Variants in SLC9A9 observed in about 807,000 individuals in gnomAD.
The protein encoded by SLC9A9 is sodium/hydrogen exchanger 9.
A neutral mutation model predicts 77.8 loss-of-function variants in SLC9A9; 62 were observed. The observed-to-expected ratio is 0.80, with a 90% CI of 0.65 to 0.98. The LOEUF (loss-of-function observed/expected upper bound fraction) is 0.98, where lower values mean the gene tolerates loss of function less well. Among genes scored for constraint, SLC9A9 ranks in the 50% least tolerant of loss-of-function variants. The pLI is 0.00. For synonymous variants in SLC9A9, 320 were observed against 283.5 expected, an observed-to-expected ratio of 1.13 and a Z score of -1.29; for missense variants, 775 against 774.9, an observed-to-expected ratio of 1.00 and a Z score of 0.00.
intron 9 of SLC9A9, among the ~76,000 whole-genome samples, chr3:143,546,021 A>G (rs920427129): frequency 2.2e-4 from 33 of 152,344 alleles, no homozygotes; most frequent in African/African-American, 7.5e-4. Flanking sequence ...CATTTTACAG[A>G]TGGAAAAAGT....
At chr3:143,445,680 T>C (rs928182136) in intron 12 of SLC9A9, among the ~76,000 whole-genome samples, 18 of 152,202 alleles carry the variant, frequency 1.2e-4, no homozygotes, top group Admixed American at 1.2e-3. Flanking sequence ...CACTGATCTT[T>C]ATGGTTGTAA....
intron 14 of SLC9A9, among the ~76,000 whole-genome samples, chr3:143,340,619 G>A (rs947950653): frequency 5.3e-5 from 8 of 152,274 alleles, no homozygotes; most frequent in Middle Eastern, 3.4e-3. Flanking sequence ...CTTTGGTACC[G>A]TCTTCAAGAT....
At chr3:143,642,929 C>G (rs892420981) in intron 6 of SLC9A9, among the ~76,000 whole-genome samples, 1 of 152,066 alleles carries the variant, frequency 6.6e-6, no homozygotes, top group Non-Finnish European at 1.5e-5. Context: ...CTGTTTACCT[C>G]TTTAGTCTCT....
intron 8 of SLC9A9, among the ~76,000 whole-genome samples, chr3:143,560,175 C>T (rs1016743828): frequency 2.6e-5 from 4 of 152,226 alleles, no homozygotes; most frequent in Non-Finnish European, 5.9e-5. Context: ...GATTCTCCTT[C>T]AGTAGGTTTG....
At chr3:143,711,961 C>T (rs1258540420) in intron 4 of SLC9A9, among the ~76,000 whole-genome samples, 1 of 152,182 alleles carries the variant, frequency 6.6e-6, no homozygotes, top group Non-Finnish European at 1.5e-5. Flanking sequence ...ACCTAGTTAT[C>T]TGCTCTATTC....
intron 14 of SLC9A9, among the ~76,000 whole-genome samples, chr3:143,303,003 C>T (rs1488127636): frequency 2.6e-5 from 4 of 152,238 alleles, no homozygotes; most frequent in Non-Finnish European, 5.9e-5. Flanking sequence ...CCTGCCCGCC[C>T]TCTCCACATC....
At chr3:143,331,585 G>A (rs975921804) in intron 14 of SLC9A9, among the ~76,000 whole-genome samples, 2 of 152,198 alleles carry the variant, frequency 1.3e-5, no homozygotes, top group African/African-American at 4.8e-5. Context: ...TGCCATATGG[G>A]TGGCAGCAGT....
At chr3:143,606,760 A>G (rs997062344) in intron 6 of SLC9A9, among the ~76,000 whole-genome samples, 1 of 151,966 alleles carries the variant, frequency 6.6e-6, no homozygotes, top group African/African-American at 2.4e-5. Flanking sequence ...TCCAGAACAC[A>G]GGTTAAAAAA....
intron 14 of SLC9A9, among the ~76,000 whole-genome samples, chr3:143,331,649 C>T (rs1288445985): frequency 1.3e-5 from 2 of 152,160 alleles, no homozygotes; most frequent in African/African-American, 4.8e-5. Context: ...TCCTACTATG[C>T]GTTGGTTACT....
At chr3:143,558,132 G>C (rs1218538534) in intron 8 of SLC9A9, among the ~76,000 whole-genome samples, 1 of 152,142 alleles carries the variant, frequency 6.6e-6, no homozygotes, top group Non-Finnish European at 1.5e-5. Flanking sequence ...ATGGTGTGGA[G>C]CCTGTGGGTA....
At chr3:143,688,506 A>G (rs1049495402) in intron 5 of SLC9A9, among the ~76,000 whole-genome samples, 1 of 152,116 alleles carries the variant, frequency 6.6e-6, no homozygotes, top group Non-Finnish European at 1.5e-5. Flanking sequence ...CAGAATATCT[A>G]CGTATGGCAG....
intron 6 of SLC9A9, among the ~76,000 whole-genome samples, chr3:143,600,580 T>A (rs753783559): frequency 6.6e-6 from 1 of 152,228 alleles, no homozygotes; most frequent in African/African-American, 2.4e-5. Context: ...ATCAATGATC[T>A]GCAGAGATTG....
At chr3:143,800,462 C>T (rs528687872) in intron 2 of SLC9A9, among the ~76,000 whole-genome samples, 22 of 152,326 alleles carry the variant, frequency 1.4e-4, no homozygotes, top group African/African-American at 4.6e-4. Context: ...TTATCCACCC[C>T]GTGGTGCCAA....
chr3:143,322,667 G>T (rs534687609), intron 14 of SLC9A9, among the ~76,000 whole-genome samples: 1 of 152,038 alleles, frequency 6.6e-6, no homozygotes, highest in African/African-American at 2.4e-5. Context: ...GTGGTTCTTG[G>T]CATTTTTTTG....
intron 4 of SLC9A9, among the ~76,000 whole-genome samples, chr3:143,766,765 G>T (rs1394089002): frequency 6.6e-6 from 1 of 152,022 alleles, no homozygotes; most frequent in African/African-American, 2.4e-5. Context: ...GTAGAGACGG[G>T]GTTTCCCTAT....
At chr3:143,765,053 C>T (rs1418198435) in intron 4 of SLC9A9, among the ~76,000 whole-genome samples, 11 of 144,106 alleles carry the variant, frequency 7.6e-5, no homozygotes, top group African/African-American at 2.6e-4. Context: ...CTTTTTCTTT[C>T]TTTCTTTCCC....
chr3:143,592,071 T>A (rs1337122119), intron 6 of SLC9A9, among the ~76,000 whole-genome samples: 1 of 152,240 alleles, frequency 6.6e-6, no homozygotes, highest in East Asian at 1.9e-4. Context: ...CTTCTCTATG[T>A]GGTCCATGAC....
rs150853284 is a variant in SLC9A9 at position 143,346,690 on chromosome 3, G to A, written c.1604+16794C>T. ...CACCTGTAATCCCAGCTACTCGGGA[G>A]GGTGAGGCACAAAAATCATTTGAAC... On this transcript the variant is annotated intron_variant, in intron 14 of 15. Coordinates refer to ENST00000316549, the MANE Select transcript of SLC9A9 (RefSeq NM_173653.4). Among the ~76,000 whole-genome samples the A allele has an allele frequency of 2.1e-3, 318 of 152,252 alleles. 6 individuals carry two copies. Among genetic ancestry groups the A allele is most frequent in the East Asian group, 0.014 (74 of 5,166 alleles).
chr3:143,735,841 T>C (rs1049602409), intron 4 of SLC9A9, among the ~76,000 whole-genome samples: 4 of 152,236 alleles, frequency 2.6e-5, no homozygotes, highest in African/African-American at 9.6e-5. Flanking sequence ...TGCTATTTGC[T>C]ACCATGTGAC....
Sources: gnomAD v4.1 joint callset for allele counts (sites outside exome capture counted in the v4.1 genomes callset) on GRCh38, gnomAD v4.1.1 for gene constraint, MANE v1.5 for transcripts, NCBI Gene and HGNC (gene_info 2026-07-23, HGNC 2026-07-21) for gene names.